THSD7B: variants seen among roughly 807,000 people sequenced by gnomAD.
THSD7B encodes thrombospondin type 1 domain containing 7B, also known as thrombospondin type-1 domain-containing protein 7B.
In THSD7B, 138 loss-of-function variants were observed where a neutral mutation model predicts 213.6. The observed-to-expected ratio is 0.65, with a 90% confidence interval of 0.56 to 0.74. The LOEUF (loss-of-function observed/expected upper bound fraction) is 0.74. Among genes scored for constraint, THSD7B ranks in the 30% least tolerant of loss-of-function variants. THSD7B has a pLI of 0.00. For missense variants in THSD7B, 1,931 were observed against 1,991.5 expected (o/e 0.97, Z 0.58); for synonymous variants, 742 against 687.0 (o/e 1.08, Z -1.25).
intron 3 of THSD7B, among the ~76,000 whole-genome samples, chr2:137,068,784 C>A (rs1687425107): frequency 6.6e-6 from 1 of 152,112 alleles, no homozygotes; most frequent in African/African-American, 2.4e-5. Flanking sequence ...ACTGTAGGGA[C>A]AAGTGGCATT....
intron 12 of THSD7B, among the ~76,000 whole-genome samples, chr2:137,341,951 T>A (rs1345464756): frequency 6.6e-6 from 1 of 151,622 alleles, no homozygotes; most frequent in East Asian, 1.9e-4. Context: ...TTTATCATGA[T>A]TGTATTGGCT....
intron 12 of THSD7B, among the ~76,000 whole-genome samples, chr2:137,283,715 A>G (rs1403018061): frequency 1.3e-5 from 2 of 152,150 alleles, no homozygotes. Context: ...TGATTTGCGT[A>G]TGTTGAACCA....
At chr2:137,416,893 C>A (rs1184433337) in intron 14 of THSD7B, among the ~76,000 whole-genome samples, 2 of 152,094 alleles carry the variant, frequency 1.3e-5, no homozygotes, top group Non-Finnish European at 2.9e-5. Flanking sequence ...TGGAAGAATG[C>A]AGAAGGAATG....
At chr2:136,954,797 T>TGTGAAAAA (rs1685099060) in intron 2 of THSD7B, among the ~76,000 whole-genome samples, 1 of 151,836 alleles carries the variant, frequency 6.6e-6, no homozygotes, top group African/African-American at 2.4e-5. Context: ...TATACTAGAC[T>TGTGAAAAA]GTGAAAAAGT....
intron 17 of THSD7B, among the ~76,000 whole-genome samples, chr2:137,576,804 CCT>C (rs1681472278): frequency 6.6e-6 from 1 of 150,786 alleles, no homozygotes; most frequent in Non-Finnish European, 1.5e-5. Flanking sequence ...CACCCCCCCC[CCT>C]TTTTTTAATG....
intron 2 of THSD7B, among the ~76,000 whole-genome samples, chr2:136,916,918 C>T (rs1356068235): frequency 6.6e-6 from 1 of 152,110 alleles, no homozygotes; most frequent in Non-Finnish European, 1.5e-5. Flanking sequence ...TTGAATAGAC[C>T]TCTGGATCCT....
chr2:137,136,916 T>C (rs972816064), intron 5 of THSD7B, among the ~76,000 whole-genome samples: 2 of 152,216 alleles, frequency 1.3e-5, no homozygotes, highest in Non-Finnish European at 2.9e-5. Context: ...TAAATAGGAC[T>C]GAAGGAAACA....
chr2:137,421,454 A>G (rs186027067), intron 14 of THSD7B, among the ~76,000 whole-genome samples: 1 of 152,298 alleles, frequency 6.6e-6, no homozygotes, highest in Non-Finnish European at 1.5e-5. Flanking sequence ...AGTTCACAGA[A>G]CTAAGGGAAA....
At chr2:137,584,112 A>G (rs1681653884) in intron 17 of THSD7B, among the ~76,000 whole-genome samples, 1 of 152,134 alleles carries the variant, frequency 6.6e-6, no homozygotes, top group Non-Finnish European at 1.5e-5. Flanking sequence ...TGGGAATGGG[A>G]ATTCACTCAT....
chr2:136,772,257 A>G (rs900213776), intron 1 of THSD7B, among the ~76,000 whole-genome samples: 4 of 152,092 alleles, frequency 2.6e-5, no homozygotes, highest in Admixed American at 1.3e-4. Flanking sequence ...GAACACACAC[A>G]CTTACCTACT....
chr2:137,260,140 A>G (rs1471414071), intron 10 of THSD7B, among the ~76,000 whole-genome samples: 1 of 152,228 alleles, frequency 6.6e-6, no homozygotes, highest in Non-Finnish European at 1.5e-5. Context: ...CAAGGCAAAC[A>G]AAAATAAAAG....
Position 137,095,131 on chromosome 2 carries a change from CT to C in THSD7B, c.1199+13del, listed in dbSNP as rs752422504. On this transcript the variant is annotated intron_variant, in intron 4 of 27. Coordinates refer to ENST00000409968, the MANE Select transcript of THSD7B (RefSeq NM_001316349.2). Reference sequence around the variant, plus strand: ...TGCAGCAATGTCCCAGGTATTACGCCTTTATGCCTTCTTTAGTGTGAAGGAG... The same window carrying C: ...TGCAGCAATGTCCCAGGTATTACGCCTTATGCCTTCTTTAGTGTGAAGGAG... 12 of 1,612,278 alleles carry C rather than the reference CT, an allele frequency of 7.4e-6. No homozygotes were observed. The highest frequency in any genetic ancestry group is 2.2e-5 in the East Asian group (1 of 44,852).
At chr2:137,143,925 G>GT (rs915852213) in intron 5 of THSD7B, among the ~76,000 whole-genome samples, 14 of 151,690 alleles carry the variant, frequency 9.2e-5, no homozygotes, top group East Asian at 1.9e-4. Context: ...CTGCCTGGTG[G>GT]TTTTTTTTCC....
chr2:137,499,673 G>A (rs1679655615), intron 15 of THSD7B, among the ~76,000 whole-genome samples: 1 of 152,140 alleles, frequency 6.6e-6, no homozygotes, highest in Non-Finnish European at 1.5e-5. Context: ...CAATGGATAT[G>A]AGACATGACA....
chr2:137,313,284 T>A (rs1447155772), intron 12 of THSD7B, among the ~76,000 whole-genome samples: 1 of 152,110 alleles, frequency 6.6e-6, no homozygotes, highest in Non-Finnish European at 1.5e-5. Context: ...TCTCTTTTGA[T>A]CTTTGTTGGT....
chr2:136,857,752 C>A (rs1157791523), intron 1 of THSD7B, among the ~76,000 whole-genome samples: 1 of 152,160 alleles, frequency 6.6e-6, no homozygotes, highest in Non-Finnish European at 1.5e-5. Context: ...TACATGACTA[C>A]TCCAACAAAA....
intron 1 of THSD7B, among the ~76,000 whole-genome samples, chr2:136,837,830 G>C (rs1356493779): frequency 6.6e-6 from 1 of 152,030 alleles, no homozygotes; most frequent in African/African-American, 2.4e-5. Flanking sequence ...CTCCTACCTT[G>C]CAATTAATAT....
chr2:137,437,335 C>T (rs1267588952), intron 14 of THSD7B, among the ~76,000 whole-genome samples: 10 of 152,146 alleles, frequency 6.6e-5, no homozygotes, highest in Admixed American at 6.6e-4. Flanking sequence ...ATTGTCTAAA[C>T]AGTCAGTATA....
intron 2 of THSD7B, among the ~76,000 whole-genome samples, chr2:136,885,538 A>C (rs1039632401): frequency 1.3e-5 from 2 of 152,298 alleles, no homozygotes; most frequent in South Asian, 4.1e-4. Flanking sequence ...CACGTCAGCA[A>C]CAGTATCAGA....
Sources: gnomAD v4.1 joint callset for allele counts (sites outside exome capture counted in the v4.1 genomes callset) on GRCh38, gnomAD v4.1.1 for gene constraint, MANE v1.5 for transcripts, NCBI Gene and HGNC (gene_info 2026-07-23, HGNC 2026-07-21) for gene names.